CLSTN2: variants seen among roughly 807,000 people sequenced by gnomAD.
The protein encoded by CLSTN2 is calsyntenin-2.
In CLSTN2, 48 loss-of-function variants were observed where a neutral mutation model predicts 101.2. The ratio of observed to expected loss-of-function variants is 0.47; its 90% CI spans 0.38 to 0.60. The LOEUF (loss-of-function observed/expected upper bound fraction) is 0.60. Among genes scored for constraint, CLSTN2 ranks in the 20% least tolerant of loss-of-function variants. CLSTN2 has a pLI of 0.00. For synonymous variants in CLSTN2, 481 were observed against 463.6 expected (o/e 1.04, Z -0.48); for missense variants, 1,160 against 1,238.2 (o/e 0.94, Z 0.95).
intron 2 of CLSTN2, among the ~76,000 whole-genome samples, chr3:140,359,623 T>C (rs2087706718): frequency 6.6e-6 from 1 of 152,194 alleles, no homozygotes; most frequent in African/African-American, 2.4e-5. Context: ...CTCAAATACA[T>C]TGAACACGAT....
chr3:140,228,827 C>A (rs1457154084), intron 2 of CLSTN2, among the ~76,000 whole-genome samples: 1 of 152,176 alleles, frequency 6.6e-6, no homozygotes, highest in Admixed American at 6.5e-5. Flanking sequence ...CATTAACTAT[C>A]ATGAGAACAG....
At chr3:139,979,141 A>G (rs1450730910) in intron 1 of CLSTN2, among the ~76,000 whole-genome samples, 1 of 152,132 alleles carries the variant, frequency 6.6e-6, no homozygotes, top group East Asian at 1.9e-4. Context: ...AGACTTACAC[A>G]CTGGTGCCTC....
intron 2 of CLSTN2, among the ~76,000 whole-genome samples, chr3:140,241,111 A>C (rs2086463077): frequency 6.6e-6 from 1 of 152,194 alleles, no homozygotes; most frequent in South Asian, 2.1e-4. Context: ...ATATTTTTAG[A>C]AAAATAGTAA....
At chr3:140,529,038 C>T (rs4683506) in intron 8 of CLSTN2, among the ~76,000 whole-genome samples, 10,673 of 152,212 alleles carry the variant, frequency 0.07, 723 homozygotes, top group East Asian at 0.29. Flanking sequence ...CCTGAGGAAA[C>T]CAAGGCAGAA....
chr3:140,366,341 T>G (rs1023047081), intron 2 of CLSTN2, among the ~76,000 whole-genome samples: 1 of 152,248 alleles, frequency 6.6e-6, no homozygotes, highest in Non-Finnish European at 1.5e-5. Flanking sequence ...ATCAGTCTGA[T>G]TATTTGTCTC....
chr3:140,472,398 G>T (rs1173737853), intron 8 of CLSTN2, among the ~76,000 whole-genome samples: 1 of 152,224 alleles, frequency 6.6e-6, no homozygotes, highest in African/African-American at 2.4e-5. Context: ...ACTTGCATCT[G>T]CTCATTCGGT....
At chr3:140,445,413 G>T (rs543221751) in intron 5 of CLSTN2, among the ~76,000 whole-genome samples, 174 of 152,278 alleles carry the variant, frequency 1.1e-3, no homozygotes, top group Non-Finnish European at 1.8e-3. Flanking sequence ...TTTCTCCAGA[G>T]AAAAGGCCTC....
At chr3:140,239,799 G>A (rs2086444344) in intron 2 of CLSTN2, among the ~76,000 whole-genome samples, 1 of 151,826 alleles carries the variant, frequency 6.6e-6, no homozygotes, top group Non-Finnish European at 1.5e-5. Flanking sequence ...AAATGCCATT[G>A]ATTATAAAAT....
At chr3:140,173,543 T>G (rs55642141) in intron 1 of CLSTN2, among the ~76,000 whole-genome samples, 1,553 of 152,304 alleles carry the variant, frequency 0.01, 24 homozygotes, top group African/African-American at 0.034. Flanking sequence ...GGACTCTGTG[T>G]GGGGGCTCCG....
chr3:140,085,850 T>C (rs761968125), intron 1 of CLSTN2, among the ~76,000 whole-genome samples: 5 of 152,140 alleles, frequency 3.3e-5, no homozygotes, highest in Non-Finnish European at 2.9e-5. Flanking sequence ...TGGTGTGACA[T>C]AGTTGTGTAT....
intron 5 of CLSTN2, among the ~76,000 whole-genome samples, chr3:140,432,641 G>T (rs893829575): frequency 3.3e-5 from 5 of 152,316 alleles, no homozygotes; most frequent in Admixed American, 6.5e-5. Context: ...TGTACAGGAT[G>T]CTGATTTACC....
At chr3:140,205,625 A>ACCCC (rs1559806104) in intron 2 of CLSTN2, among the ~76,000 whole-genome samples, 2 of 71,404 alleles carry the variant, frequency 2.8e-5, no homozygotes, top group African/African-American at 7.5e-5. Context: ...CCCGCCCCCC[A>ACCCC]CCCACACACA....
intron 1 of CLSTN2, among the ~76,000 whole-genome samples, chr3:140,118,059 T>C (rs2009275777): frequency 6.6e-6 from 1 of 152,078 alleles, no homozygotes; most frequent in Admixed American, 6.6e-5. Flanking sequence ...AGAATGAGGC[T>C]ATCACAATGG....
chr3:140,326,769 T>C (rs940820716), intron 2 of CLSTN2, among the ~76,000 whole-genome samples: 2 of 152,174 alleles, frequency 1.3e-5, no homozygotes, highest in African/African-American at 4.8e-5. Context: ...CAGCTTTCTT[T>C]TTGCTCCCAC....
intron 1 of CLSTN2, among the ~76,000 whole-genome samples, chr3:140,052,837 A>G (rs893407450): frequency 2.0e-4 from 30 of 152,344 alleles, no homozygotes; most frequent in African/African-American, 7.0e-4. Context: ...GGTCTTGGGC[A>G]CATTACCTAA....
chr3:140,289,469 G>T (rs761499503), intron 2 of CLSTN2, among the ~76,000 whole-genome samples: 2 of 151,954 alleles, frequency 1.3e-5, no homozygotes, highest in Admixed American at 6.6e-5. Flanking sequence ...CTTTGAAATT[G>T]GTCAAAAACT....
intron 8 of CLSTN2, among the ~76,000 whole-genome samples, chr3:140,469,680 C>T (rs1933789937): frequency 6.6e-6 from 1 of 152,190 alleles, no homozygotes; most frequent in Non-Finnish European, 1.5e-5. Flanking sequence ...TCCTGGAGGG[C>T]ACGGTCGTGT....
intron 2 of CLSTN2, among the ~76,000 whole-genome samples, chr3:140,307,808 A>T (rs146716797): frequency 2.0e-5 from 3 of 152,328 alleles, no homozygotes; most frequent in Admixed American, 6.5e-5. Flanking sequence ...AGTCTGAGTC[A>T]TTTCTGCTCT....
chr3:140,190,782 A>G (rs913363279), intron 2 of CLSTN2, among the ~76,000 whole-genome samples: 2 of 152,054 alleles, frequency 1.3e-5, no homozygotes, highest in African/African-American at 4.8e-5. Flanking sequence ...ATGTTATGCA[A>G]CCTTGCTGAA....
Sources: gnomAD v4.1 joint callset for allele counts (sites outside exome capture counted in the v4.1 genomes callset) on GRCh38, gnomAD v4.1.1 for gene constraint, MANE v1.5 for transcripts, NCBI Gene and HGNC (gene_info 2026-07-23, HGNC 2026-07-21) for gene names.